SCAPER: variants seen among roughly 807,000 people sequenced by gnomAD.
SCAPER encodes the protein S-phase cyclin A associated protein in the ER, also known as S phase cyclin A-associated protein in the endoplasmic reticulum.
In SCAPER, 98 loss-of-function variants were observed where a neutral mutation model predicts 182.2. The observed-to-expected ratio is 0.54, with a 90% CI of 0.46 to 0.64. The LOEUF (loss-of-function observed/expected upper bound fraction) is 0.64. Among genes scored for constraint, SCAPER ranks in the 30% least tolerant of loss-of-function variants. SCAPER has a pLI of 0.00. For missense variants in SCAPER, 1,432 were observed against 1,690.0 expected (o/e 0.85, Z 2.68); for synonymous variants, 605 against 564.6 (o/e 1.07, Z -1.01).
intron 20 of SCAPER, among the ~76,000 whole-genome samples, chr15:76,674,522 T>C (rs2057247587): frequency 6.6e-6 from 1 of 152,138 alleles, no homozygotes; most frequent in South Asian, 2.1e-4. Context: ...CAATGGAAAA[T>C]GAATGCATAC....
chr15:76,522,033 C>T (rs2042875241), intron 23 of SCAPER, among the ~76,000 whole-genome samples: 1 of 151,934 alleles, frequency 6.6e-6, no homozygotes, highest in African/African-American at 2.4e-5. Context: ...TGCTTTGTGC[C>T]CGCAAGAATT....
intron 4 of SCAPER, among the ~76,000 whole-genome samples, chr15:76,850,259 T>A (rs1323673727): frequency 6.6e-6 from 1 of 152,184 alleles, no homozygotes. Context: ...GTTAAAGGAC[T>A]TTTTTAGCAC....
chr15:76,547,748 A>G (rs1052707765), intron 23 of SCAPER, among the ~76,000 whole-genome samples: 12 of 152,132 alleles, frequency 7.9e-5, no homozygotes, highest in Non-Finnish European at 1.6e-4. Flanking sequence ...ATATATACAC[A>G]TATGCATACA....
intron 24 of SCAPER, among the ~76,000 whole-genome samples, chr15:76,494,726 G>A (rs760042909): frequency 6.6e-6 from 1 of 151,990 alleles, no homozygotes; most frequent in South Asian, 2.1e-4. Flanking sequence ...GTTTTGTTGT[G>A]TAGTATAGAA....
rs116113451 is a variant in SCAPER at position 76,455,654 on chromosome 15, T to A, written c.3078+15558A>T. Among the ~76,000 whole-genome samples the A allele has an allele frequency of 7.3e-3, 1,109 of 152,310 alleles. 17 individuals are homozygous for A. Among genetic ancestry groups the A allele is most frequent in the African/African-American group, 0.025 (1,054 of 41,554 alleles). ...CACACCTAGTATTTTTTAACTTTTT[T>A]AATTTTTATTTTTTATTTTTATTTT... On this transcript the variant is annotated intron_variant, in intron 25 of 31. Coordinates refer to ENST00000563290, the MANE Select transcript of SCAPER (RefSeq NM_020843.4).
At chr15:76,462,079 C>T (rs2049230095) in intron 25 of SCAPER, among the ~76,000 whole-genome samples, 1 of 152,160 alleles carries the variant, frequency 6.6e-6, no homozygotes, top group African/African-American at 2.4e-5. Flanking sequence ...CATTCTAGCA[C>T]TTGTCTTTGC....
intron 5 of SCAPER, among the ~76,000 whole-genome samples, chr15:76,813,294 T>C (rs1009003253): frequency 3.8e-5 from 5 of 130,236 alleles, no homozygotes; most frequent in Admixed American, 7.5e-5. Context: ...ATTTCCTCAA[T>C]ATAGTAGAAG....
At chr15:76,419,211 C>A (rs929818890) in intron 26 of SCAPER, among the ~76,000 whole-genome samples, 1 of 152,162 alleles carries the variant, frequency 6.6e-6, no homozygotes, top group East Asian at 1.9e-4. Flanking sequence ...CCAACCAACA[C>A]CCTAGGACCC....
intron 21 of SCAPER, among the ~76,000 whole-genome samples, chr15:76,640,692 A>G (rs1020177461): frequency 6.6e-6 from 1 of 152,230 alleles, no homozygotes; most frequent in African/African-American, 2.4e-5. Context: ...GTTATGGTTC[A>G]TTTAAATCAG....
chr15:76,555,996 C>T (rs1169825872), intron 23 of SCAPER, among the ~76,000 whole-genome samples: 1 of 152,108 alleles, frequency 6.6e-6, no homozygotes, highest in African/African-American at 2.4e-5. Context: ...AAACAATTCT[C>T]AGCAAATTAA....
At chr15:76,537,109 G>C (rs1377671692) in intron 23 of SCAPER, among the ~76,000 whole-genome samples, 1 of 152,010 alleles carries the variant, frequency 6.6e-6, no homozygotes, top group East Asian at 1.9e-4. Context: ...TCATGGGTAG[G>C]AAGAATCAAT....
chr15:76,358,126 A>C (rs546203532), intron 29 of SCAPER, among the ~76,000 whole-genome samples: 50 of 152,380 alleles, frequency 3.3e-4, no homozygotes, highest in African/African-American at 1.1e-3. Flanking sequence ...ATAAATCAGT[A>C]AATAAATATA....
intron 23 of SCAPER, among the ~76,000 whole-genome samples, chr15:76,506,593 T>A (rs983551576): frequency 6.6e-6 from 1 of 151,990 alleles, no homozygotes; most frequent in Non-Finnish European, 1.5e-5. Flanking sequence ...TTAAGACATG[T>A]AAAAGAAAGT....
At chr15:76,789,549 AG>A (rs35399559) in intron 8 of SCAPER, among the ~76,000 whole-genome samples, 1 of 152,192 alleles carries the variant, frequency 6.6e-6, no homozygotes, top group Non-Finnish European at 1.5e-5. Context: ...ATATCAAACT[AG>A]GAACTATAAC....
intron 22 of SCAPER, among the ~76,000 whole-genome samples, chr15:76,579,599 GAGAA>G (rs1347441980): frequency 1.3e-5 from 2 of 150,660 alleles, no homozygotes; most frequent in Non-Finnish European, 3.0e-5. Flanking sequence ...CCTTCACTAT[GAGAA>G]AGAGAGAAAG....
chr15:76,497,626 A>G (rs2143604116), intron 24 of SCAPER, among the ~76,000 whole-genome samples: 1 of 152,256 alleles, frequency 6.6e-6, no homozygotes, highest in Middle Eastern at 3.4e-3. Context: ...CAAACTGAAG[A>G]CACAAAGGCA....
rs191332208 is a variant in SCAPER at position 76,503,463 on chromosome 15, C to T, written c.2954+1396G>A. On this transcript the variant is annotated intron_variant, in intron 24 of 31. Transcript: ENST00000563290. ...AATAGAGGAAAGGAATCCAAATTAT[C>T]TTTAATGTCAAAAGCTTGTACTTAG... 2.4e-4 allele frequency among the ~76,000 whole-genome samples: 36 copies of T among 152,300 alleles called. No individual in the cohort carries two copies. The Middle Eastern group carries it at 0.01, about 43-fold the overall frequency.
At chr15:76,770,893 T>C (rs1269784305) in intron 10 of SCAPER, among the ~76,000 whole-genome samples, 3 of 152,096 alleles carry the variant, frequency 2.0e-5, no homozygotes, top group African/African-American at 7.2e-5. Flanking sequence ...AATCTAAACA[T>C]TTGTTTTTTG....
chr15:76,864,257 T>C (rs2072100443), intron 2 of SCAPER, among the ~76,000 whole-genome samples: 1 of 152,220 alleles, frequency 6.6e-6, no homozygotes, highest in Non-Finnish European at 1.5e-5. Flanking sequence ...CTGAAACTTC[T>C]TTCTCCAACA....
Sources: gnomAD v4.1 joint callset for allele counts (sites outside exome capture counted in the v4.1 genomes callset) on GRCh38, gnomAD v4.1.1 for gene constraint, MANE v1.5 for transcripts, NCBI Gene and HGNC (gene_info 2026-07-23, HGNC 2026-07-21) for gene names.